The following PGM1 variants were observed in gnomAD, a reference collection of about 807,000 sequenced individuals.
PGM1 encodes the protein phosphoglucomutase-1.
In PGM1, 52 loss-of-function variants were observed where a neutral mutation model predicts 55.6. That is an observed-to-expected ratio of 0.94 (90% CI 0.75 to 1.18). The LOEUF (loss-of-function observed/expected upper bound fraction) is 1.18. Among genes scored for constraint, PGM1 ranks in the 50% most tolerant of loss-of-function variants. The probability of loss-of-function intolerance (pLI) is 0.00; values close to 1 mark genes in which losing one functional copy is unlikely to be tolerated. For missense variants in PGM1, 724 were observed against 729.3 expected, an observed-to-expected ratio of 0.99 and a Z score of 0.08; for synonymous variants, 287 against 271.7, an observed-to-expected ratio of 1.06 and a Z score of -0.55.
At chr1:63,601,960 A>G (rs1296799625) in intron 1 of PGM1, among the ~76,000 whole-genome samples, 2 of 152,232 alleles carry the variant, frequency 1.3e-5, no homozygotes, top group African/African-American at 2.4e-5. Context: ...TTATGTTTTC[A>G]TATTGGAAAG....
At chr1:63,636,562 C>T (rs146902209) in intron 6 of PGM1, among the ~76,000 whole-genome samples, 174 bp downstream of exon 6, 95 of 152,238 alleles carry the variant, frequency 6.2e-4, no homozygotes, top group Middle Eastern at 3.4e-3. Flanking sequence ...ATTCAATGCC[C>T]CTCTCCGCAC....
At chr1:63,618,534 C>A (rs1405905219) in intron 1 of PGM1, among the ~76,000 whole-genome samples, 1 of 152,188 alleles carries the variant, frequency 6.6e-6, no homozygotes, top group African/African-American at 2.4e-5. Context: ...GTTTTCCCCC[C>A]CTTACTCCAA....
At chr1:63,622,707 T>C (rs1190842602) in intron 1 of PGM1, among the ~76,000 whole-genome samples, 1 of 152,250 alleles carries the variant, frequency 6.6e-6, no homozygotes, top group Non-Finnish European at 1.5e-5. Context: ...TTTGGAGGTA[T>C]CTGTTCTTCT....
intron 7 of PGM1, among the ~76,000 whole-genome samples, chr1:63,639,261 G>C (rs1171541485): frequency 6.6e-6 from 1 of 152,038 alleles, no homozygotes; most frequent in Non-Finnish European, 1.5e-5. Context: ...GAGTAATCAA[G>C]GCTAAATGAA....
At chr1:63,630,717 G>A (rs1379573651) in intron 3 of PGM1, among the ~76,000 whole-genome samples, 1 of 152,170 alleles carries the variant, frequency 6.6e-6, no homozygotes, top group Non-Finnish European at 1.5e-5. Context: ...TGTAATAATT[G>A]ACAGAATAAA....
chr1:63,594,084 A>G, intron 1 of PGM1: 1 of 1,043,324 alleles, frequency 9.6e-7, no homozygotes, highest in Non-Finnish European at 1.1e-6. Flanking sequence ...CATTTGCCCT[A>G]ACCTTGCAGC....
At chr1:63,637,354 G>A (rs1300704364) in intron 6 of PGM1, among the ~76,000 whole-genome samples, 1 of 152,198 alleles carries the variant, frequency 6.6e-6, no homozygotes, top group African/African-American at 2.4e-5. Context: ...CTGGTAAATG[G>A]CTGACTCAGG....
In PGM1 at chr1:63,651,759, G is replaced by A. The variant is rs1649813586; in HGVS notation, c.1371G>A (p.Lys457=). ...ALMFDRSFVG[K]QFSANDKVYT... The stretch of plus-strand genomic sequence containing the variant: ...TGTTTGATCGCTCCTTTGTGGGGAA[G>A]CAGTTCTCAGCAAATGACAAAGTTT... The change falls in exon 9 of 11, where the codon AAG becomes AAA. Residue 457 remains lysine, a synonymous_variant. Coordinates refer to ENST00000371084, the MANE Select transcript of PGM1 (RefSeq NM_002633.3). The A allele has an allele frequency of 1.2e-6, 2 of 1,613,780 alleles. No individual in the cohort carries two copies. Among genetic ancestry groups the A allele is most frequent in the African/African-American group, 2.7e-5 (2 of 74,908 alleles).
At chr1:63,651,540 T>G in intron 8 of PGM1, 129 bp from the exon 9 acceptor site, 1 of 808,228 alleles carries the variant, frequency 1.2e-6, no homozygotes, top group Non-Finnish European at 2.1e-6. Flanking sequence ...TGTATTTTTT[T>G]TGCCAGCTTC....
intron 1 of PGM1, among the ~76,000 whole-genome samples, chr1:63,604,450 CAGGGG>C (rs1234680528): frequency 3.3e-5 from 5 of 151,968 alleles, no homozygotes; most frequent in Admixed American, 3.3e-4. Flanking sequence ...CTAGTGGGCA[CAGGGG>C]AGAGATGGGG....
intron 1 of PGM1, among the ~76,000 whole-genome samples, chr1:63,611,937 G>A (rs541999667): frequency 6.6e-6 from 1 of 152,154 alleles, no homozygotes; most frequent in African/African-American, 2.4e-5. Context: ...TTGGGTTGAA[G>A]TATTTGCCCA....
intron 1 of PGM1, among the ~76,000 whole-genome samples, chr1:63,620,810 AT>A (rs970086860): frequency 2.0e-5 from 3 of 152,162 alleles, no homozygotes; most frequent in African/African-American, 7.2e-5. Context: ...TAAATCCCCC[AT>A]ATGGTTTAAA....
chr1:63,634,689 C>A, intron 4 of PGM1, 140 bp from the exon 5 acceptor site: 2 of 722,916 alleles, frequency 2.8e-6, no homozygotes, highest in Non-Finnish European at 5.0e-6. Context: ...CCACTAGTCC[C>A]TGAACACATT....
At chr1:63,645,282 A>C (rs1467402012) in intron 7 of PGM1, among the ~76,000 whole-genome samples, 1 of 152,160 alleles carries the variant, frequency 6.6e-6, no homozygotes, top group Non-Finnish European at 1.5e-5. Flanking sequence ...TTTTATTTTC[A>C]TTTCCACATA....
chr1:63,632,246 G>A (rs754742501), intron 4 of PGM1, among the ~76,000 whole-genome samples: 2 of 152,154 alleles, frequency 1.3e-5, no homozygotes. Context: ...GCAACATGAT[G>A]TGTACAGCCC....
intron 1 of PGM1, among the ~76,000 whole-genome samples, chr1:63,594,528 A>T (rs553840453): frequency 6.6e-6 from 1 of 152,222 alleles, no homozygotes; most frequent in Admixed American, 6.5e-5. Context: ...GTGGCAGGCC[A>T]GGAAATTACC....
intron 1 of PGM1, chr1:63,623,252 G>A (rs1221066809): frequency 5.0e-6 from 7 of 1,407,006 alleles, no homozygotes; most frequent in Middle Eastern, 2.6e-4. Flanking sequence ...GTGTGGGTGC[G>A]AGTGGGTGTG....
chr1:63,616,783 A>T (rs180708587), intron 1 of PGM1, among the ~76,000 whole-genome samples: 44 of 152,362 alleles, frequency 2.9e-4, no homozygotes, highest in African/African-American at 1.0e-3. Context: ...GCTCTAAGCC[A>T]TCTGGCCCTT....
At chr1:63,630,823 G>C (rs1275779614) in intron 3 of PGM1, among the ~76,000 whole-genome samples, 1 of 152,114 alleles carries the variant, frequency 6.6e-6, no homozygotes, top group Admixed American at 6.5e-5. Context: ...CTTTCTTCTG[G>C]ATTGCAACTT....
Sources: gnomAD v4.1 joint callset for allele counts (sites outside exome capture counted in the v4.1 genomes callset) on GRCh38, gnomAD v4.1.1 for gene constraint, MANE v1.5 for transcripts, NCBI Gene and HGNC (gene_info 2026-07-23, HGNC 2026-07-21) for gene names.